SPIDR: variants seen among roughly 807,000 people sequenced by gnomAD.
SPIDR encodes scaffold protein involved in DNA repair, also known as DNA repair-scaffolding protein.
A neutral mutation model predicts 104.6 loss-of-function variants in SPIDR; 93 were observed. The observed-to-expected ratio is 0.89, with a 90% CI of 0.75 to 1.06. The LOEUF is 1.06. Among genes scored for constraint, SPIDR ranks in the 50% least tolerant of loss-of-function variants. SPIDR has a pLI of 0.00. For missense variants in SPIDR, 1,154 were observed against 1,111.2 expected, an observed-to-expected ratio of 1.04 and a Z score of -0.55; for synonymous variants, 431 against 416.9, an observed-to-expected ratio of 1.03 and a Z score of -0.41.
chr8:47,569,449 C>G (rs1229603691), intron 8 of SPIDR, among the ~76,000 whole-genome samples: 3 of 152,172 alleles, frequency 2.0e-5, no homozygotes, highest in Non-Finnish European at 4.4e-5. Flanking sequence ...TCCCACCTAA[C>G]AACATAATAC....
intron 19 of SPIDR, among the ~76,000 whole-genome samples, chr8:47,733,597 G>T (rs2085641566): frequency 6.6e-6 from 1 of 151,298 alleles, no homozygotes; most frequent in South Asian, 2.1e-4. Context: ...CAGCGCATAT[G>T]CCGCCTCCAC....
chr8:47,656,922 C>T (rs920666074), intron 10 of SPIDR, among the ~76,000 whole-genome samples: 1 of 152,266 alleles, frequency 6.6e-6, no homozygotes, highest in East Asian at 1.9e-4. Flanking sequence ...GGCCACATAT[C>T]ATATGAGTCC....
chr8:47,420,858 T>C (rs545629444), intron 7 of SPIDR, among the ~76,000 whole-genome samples: 2 of 152,378 alleles, frequency 1.3e-5, no homozygotes, highest in African/African-American at 2.4e-5. Flanking sequence ...TTATTTCTCC[T>C]TCACTTATGA....
At chr8:47,364,144 T>G (rs568398534) in intron 5 of SPIDR, among the ~76,000 whole-genome samples, 1 of 152,360 alleles carries the variant, frequency 6.6e-6, no homozygotes, top group East Asian at 1.9e-4. Context: ...TGGTTCTTGA[T>G]GAAAGTATTT....
chr8:47,523,529 C>T (rs1375135905), intron 8 of SPIDR, among the ~76,000 whole-genome samples: 5 of 152,260 alleles, frequency 3.3e-5, no homozygotes, highest in South Asian at 2.1e-4. Flanking sequence ...AGAAGTCCTT[C>T]GATGTAGCTG....
chr8:47,624,739 T>A (rs922952096), intron 10 of SPIDR, among the ~76,000 whole-genome samples: 4 of 152,202 alleles, frequency 2.6e-5, no homozygotes, highest in African/African-American at 9.6e-5. Flanking sequence ...ATTGAGGCAA[T>A]AATCAATACC....
intron 3 of SPIDR, among the ~76,000 whole-genome samples, chr8:47,284,345 T>G (rs2154228874): frequency 6.6e-6 from 1 of 152,298 alleles, no homozygotes; most frequent in Non-Finnish European, 1.5e-5. Flanking sequence ...CTAAGTTCAT[T>G]TTTATCACAG....
intron 5 of SPIDR, among the ~76,000 whole-genome samples, chr8:47,297,849 G>C (rs2041182782): frequency 6.6e-6 from 1 of 152,148 alleles, no homozygotes; most frequent in Non-Finnish European, 1.5e-5. Context: ...TCTTAATCCA[G>C]TCTATCATTG....
At chr8:47,640,652 A>G in intron 10 of SPIDR, among the ~76,000 whole-genome samples, 1 of 144,792 alleles carries the variant, frequency 6.9e-6, no homozygotes, top group Non-Finnish European at 1.5e-5. Context: ...GACTACAACC[A>G]TTGAACTGTG....
intron 7 of SPIDR, among the ~76,000 whole-genome samples, chr8:47,431,908 G>A (rs966631353): frequency 1.3e-5 from 2 of 152,140 alleles, no homozygotes; most frequent in South Asian, 4.1e-4. Context: ...AATGAATTGT[G>A]CTCTTCATAG....
chr8:47,272,115 G>A (rs1035922392), intron 1 of SPIDR, among the ~76,000 whole-genome samples: 20 of 151,976 alleles, frequency 1.3e-4, no homozygotes, highest in Admixed American at 3.9e-4. Context: ...TTACAGGTGC[G>A]CGCCACCACA....
At chr8:47,425,737 A>G (rs2066302099) in intron 7 of SPIDR, among the ~76,000 whole-genome samples, 1 of 152,226 alleles carries the variant, frequency 6.6e-6, no homozygotes, top group South Asian at 2.1e-4. Context: ...TATTTAGTAT[A>G]CATTATATTC....
chr8:47,676,950 G>A (rs561079068), intron 11 of SPIDR, among the ~76,000 whole-genome samples: 2 of 152,376 alleles, frequency 1.3e-5, no homozygotes, highest in South Asian at 4.1e-4. Context: ...TTCTCTGACG[G>A]ACTAATTTTT....
At chr8:47,582,603 T>G (rs2154411962) in intron 8 of SPIDR, among the ~76,000 whole-genome samples, 1 of 152,318 alleles carries the variant, frequency 6.6e-6, no homozygotes, top group Admixed American at 6.5e-5. Context: ...GAAATAGTTC[T>G]TAATGCAAAG....
intron 8 of SPIDR, among the ~76,000 whole-genome samples, chr8:47,551,464 T>C (rs186125870): frequency 5.3e-5 from 8 of 152,332 alleles, no homozygotes; most frequent in African/African-American, 1.9e-4. Flanking sequence ...TATCAGTCTA[T>C]TGAGAGATTC....
Position 47,335,380 on chromosome 8 carries a change from A to G in SPIDR, c.525+41350A>G, listed in dbSNP as rs577644178. 5.3e-5 allele frequency among the ~76,000 whole-genome samples: 8 copies of G among 152,224 alleles called. No individual in the cohort carries two copies. In the East Asian group the frequency reaches 1.4e-3, roughly 26 times the overall value. On this transcript the variant is annotated intron_variant, in intron 5 of 19. Coordinates refer to ENST00000297423, the MANE Select transcript of SPIDR (RefSeq NM_001080394.4). ...GTTTTGAAGTATGATTTTACTCACT[A>G]CAGAATTCTAGATTGGTAATTTTTT...
intron 8 of SPIDR, among the ~76,000 whole-genome samples, chr8:47,539,857 T>C (rs2087759985): frequency 6.6e-6 from 1 of 152,188 alleles, no homozygotes; most frequent in African/African-American, 2.4e-5. Context: ...TGGGTTCCTC[T>C]CTCTCCATGG....
chr8:47,505,526 C>G (rs1173998817), intron 8 of SPIDR, among the ~76,000 whole-genome samples: 1 of 152,200 alleles, frequency 6.6e-6, no homozygotes, highest in African/African-American at 2.4e-5. Flanking sequence ...TTTCCAGGTG[C>G]CATCTGTCAC....
In SPIDR at chr8:47,700,413, A is replaced by G; in HGVS notation, c.1696A>G (p.Ile566Val). The change falls in exon 12 of 20, where the codon ATT (isoleucine) becomes GTT (valine). Residue 566 changes from isoleucine (I) to valine (V), a missense_variant. By Grantham distance (29) the Ile-to-Val change is conservative. Coordinates refer to ENST00000297423, the MANE Select transcript of SPIDR (RefSeq NM_001080394.4). ...QKVTRGRTAG[I>V]FSLIDTLWPP... ...CTTTTCTTGTTCCAGGACAGCGGGG[A>G]TTTTCAGTTTGATTGACACCCTGTG... 1 of 1,614,022 alleles carries G rather than the reference A, an allele frequency of 6.2e-7. No individual in the cohort carries two copies. The highest frequency in any genetic ancestry group is 8.5e-7 in the Non-Finnish European group (1 of 1,180,000).
Sources: allele counts gnomAD v4.1 joint callset (sites outside exome capture counted in the v4.1 genomes callset), GRCh38; gene constraint gnomAD v4.1.1; transcripts MANE v1.5; gene names NCBI Gene and HGNC (gene_info 2026-07-23, HGNC 2026-07-21).